The following PCDHA5 variants were observed in gnomAD, a reference collection of about 807,000 sequenced individuals.
PCDHA5 encodes protocadherin alpha-5.
A neutral mutation model predicts 61.6 loss-of-function variants in PCDHA5; 43 were observed. The observed-to-expected ratio is 0.70, with a 90% confidence interval of 0.55 to 0.90. The LOEUF (loss-of-function observed/expected upper bound fraction) is 0.90. Ranked by LOEUF, PCDHA5 falls within the 40% of genes least tolerant of loss-of-function variation. The probability of loss-of-function intolerance (pLI) is 0.00; values close to 1 mark genes in which losing one functional copy is unlikely to be tolerated. For missense variants in PCDHA5, 1,298 were observed against 1,222.7 expected (o/e 1.06, Z -0.92); for synonymous variants, 627 against 543.9 (o/e 1.15, Z -2.13).
At chr5:140,850,301 C>G in intron 1 of PCDHA5, 3 of 1,596,740 alleles carry the variant, frequency 1.9e-6, no homozygotes, top group Non-Finnish European at 2.6e-6. Context: ...CCGACTCGGG[C>G]TACAACGCGT....
At chr5:140,898,306 G>T (rs192633483) in intron 1 of PCDHA5, among the ~76,000 whole-genome samples, 3 of 152,228 alleles carry the variant, frequency 2.0e-5, no homozygotes, top group African/African-American at 4.8e-5. Flanking sequence ...TTTCTTCTAG[G>T]GTTTTTATGG....
At chr5:140,946,631 T>TATATATATATACACACAC (rs57893927) in intron 1 of PCDHA5, among the ~76,000 whole-genome samples, 1 of 131,846 alleles carries the variant, frequency 7.6e-6, no homozygotes, top group East Asian at 2.0e-4. Context: ...TATATATATA[T>TATATATATATACACACAC]ACAATGGAAT....
chr5:140,962,127 G>A (rs1198076557), intron 1 of PCDHA5, among the ~76,000 whole-genome samples: 1 of 151,934 alleles, frequency 6.6e-6, no homozygotes, highest in East Asian at 1.9e-4. Flanking sequence ...CCTTGGCCTC[G>A]GCCTCCCAAA....
At chr5:140,947,371 A>G (rs1468768080) in intron 1 of PCDHA5, among the ~76,000 whole-genome samples, 1 of 151,626 alleles carries the variant, frequency 6.6e-6, no homozygotes, top group Non-Finnish European at 1.5e-5. Context: ...CCTTTGATCT[A>G]TATGTTTATC....
chr5:140,870,695 A>C, intron 1 of PCDHA5: 1 of 1,613,024 alleles, frequency 6.2e-7, no homozygotes, highest in East Asian at 2.2e-5. Context: ...GAGCTGCTAC[A>C]GTTCCAGGTG....
chr5:140,911,915 G>A (rs553932242), intron 1 of PCDHA5, among the ~76,000 whole-genome samples: 3 of 152,226 alleles, frequency 2.0e-5, no homozygotes, highest in African/African-American at 7.2e-5. Flanking sequence ...CTCTCTAGAG[G>A]ACAGAACTAA....
At position 140,823,568 on chromosome 5, in the gene PCDHA5, C is replaced by G; in HGVS notation, c.1793C>G (p.Pro598Arg). ...HVVAKVRAVDPDSGYNAWLSY... is the reference protein window; with the variant it reads ...HVVAKVRAVDRDSGYNAWLSY... ...GTGGCGAAGGTGCGCGCAGTGGACC[C>G]TGATTCGGGCTACAACGCTTGGCTT... Residue 598 changes from proline (P) to arginine (R), a missense_variant, in exon 1 of 4, where the codon CCT (proline) becomes CGT (arginine). Pro to Arg is a moderately radical substitution (Grantham distance 103). Transcript: ENST00000529859. 6.2e-7 allele frequency: 1 copy of G among 1,613,952 alleles called. No homozygotes were observed. Among genetic ancestry groups the G allele is most frequent in the South Asian group, 1.1e-5 (1 of 91,080 alleles).
At chr5:140,907,846 C>T (rs2073638181) in intron 1 of PCDHA5, among the ~76,000 whole-genome samples, 1 of 152,246 alleles carries the variant, frequency 6.6e-6, no homozygotes, top group Admixed American at 6.5e-5. Flanking sequence ...TTAAAATCCT[C>T]CTCTGCTGAG....
At chr5:140,979,035 G>A in intron 2 of PCDHA5, 28 bp downstream of exon 2, 1 of 1,612,986 alleles carries the variant, frequency 6.2e-7, no homozygotes, top group Non-Finnish European at 8.5e-7. Flanking sequence ...CATTCACTCA[G>A]AAGTAACCTT....
intron 1 of PCDHA5, among the ~76,000 whole-genome samples, chr5:140,948,051 T>A (rs1554218425): frequency 2.0e-5 from 3 of 151,622 alleles, no homozygotes; most frequent in African/African-American, 7.2e-5. Context: ...CATGATTCAT[T>A]GTTGAATTTC....
chr5:140,844,111 C>T lies in PCDHA5; in HGVS notation c.2352+19984C>T, dbSNP rs2150368836. Among the ~76,000 whole-genome samples, 154 of 149,570 alleles carry T rather than the reference C, an allele frequency of 1.0e-3. 8 individuals are homozygous for T. The highest frequency in any genetic ancestry group is 3.7e-3 in the African/African-American group (153 of 40,936). On this transcript the variant is annotated intron_variant, in intron 1 of 3. Transcript: ENST00000529859. ...TCTTAATCTTACTCCATATGCTGTA[C>T]TTTGAAATGCATGTTTTAAATATGT...
At chr5:140,836,023 G>A in intron 1 of PCDHA5, 7 of 1,613,414 alleles carry the variant, frequency 4.3e-6, no homozygotes, top group Non-Finnish European at 5.9e-6. Flanking sequence ...CCTCTGGGCA[G>A]CAACGTGACG....
At chr5:140,935,232 A>G (rs2090253350) in intron 1 of PCDHA5, among the ~76,000 whole-genome samples, 1 of 152,110 alleles carries the variant, frequency 6.6e-6, no homozygotes, top group African/African-American at 2.4e-5. Context: ...AGGGATGTCT[A>G]TTTTTTAAAA....
In PCDHA5 at chr5:140,871,238, T is replaced by C. The variant is rs200192228; in HGVS notation, c.2352+47111T>C. 68 of 1,613,968 alleles carry C rather than the reference T, an allele frequency of 4.2e-5. No homozygotes were observed. The Admixed American group carries it at 6.2e-4, about 15-fold the overall frequency. ...TGCGTGGTGTCCAGCCTCCTGGTACTCACGCTGCTGCTGTATACGGCGCTG... is the reference window on the plus strand; with the variant it reads ...TGCGTGGTGTCCAGCCTCCTGGTACCCACGCTGCTGCTGTATACGGCGCTG... On this transcript the variant is annotated intron_variant, in intron 1 of 3. Transcript: ENST00000529859.
At chr5:140,825,083 T>C (rs1251888987) in intron 1 of PCDHA5, 2 of 151,882 alleles carry the variant, frequency 1.3e-5, no homozygotes, top group Admixed American at 6.6e-5. Flanking sequence ...TCTGGTATCC[T>C]TCTAGAGATT....
At chr5:140,843,004 C>A (rs782142006) in intron 1 of PCDHA5, 1 of 1,595,032 alleles carries the variant, frequency 6.3e-7, no homozygotes, top group African/African-American at 1.3e-5. Flanking sequence ...AGAATGACAA[C>A]GCGCCGGCAC....
intron 1 of PCDHA5, among the ~76,000 whole-genome samples, chr5:140,940,147 GT>G (rs1459512201): frequency 6.6e-6 from 1 of 152,082 alleles, no homozygotes; most frequent in African/African-American, 2.4e-5. Flanking sequence ...AACTATTATA[GT>G]TTTTGTTTGC....
chr5:140,978,406 T>C (rs1268497033), intron 1 of PCDHA5, among the ~76,000 whole-genome samples: 1 of 152,206 alleles, frequency 6.6e-6, no homozygotes, highest in African/African-American at 2.4e-5. Context: ...CCCTCTTCAA[T>C]CAGAAAAGAG....
At chr5:140,875,336 G>C in intron 1 of PCDHA5, 1 of 1,438,564 alleles carries the variant, frequency 7.0e-7, no homozygotes, top group Non-Finnish European at 9.1e-7. Flanking sequence ...GAATAGGATC[G>C]ACTCCATAAT....
Sources: gnomAD v4.1 joint callset for allele counts (sites outside exome capture counted in the v4.1 genomes callset) on GRCh38, gnomAD v4.1.1 for gene constraint, MANE v1.5 for transcripts, NCBI Gene and HGNC (gene_info 2026-07-23, HGNC 2026-07-21) for gene names.